The following MTA1 variants were observed in gnomAD, a reference collection of about 807,000 sequenced individuals.
The protein encoded by MTA1 is metastasis associated 1, also known as metastasis-associated protein MTA1.
A neutral mutation model predicts 97.0 loss-of-function variants in MTA1; 15 were observed. That is an observed-to-expected ratio of 0.15 (90% CI 0.10 to 0.24). MTA1 has a LOEUF of 0.24. MTA1 is among the 10% of genes least tolerant of loss of function. The probability of loss-of-function intolerance (pLI) is 1.00; values close to 1 mark genes in which losing one functional copy is unlikely to be tolerated. For synonymous variants in MTA1, 435 were observed against 417.5 expected (o/e 1.04, Z -0.51); for missense variants, 709 against 1,015.1 (o/e 0.70, Z 4.10).
intron 1 of MTA1, among the ~76,000 whole-genome samples, chr14:105,429,920 C>T (rs2082130678): frequency 6.6e-6 from 1 of 151,420 alleles, no homozygotes; most frequent in Non-Finnish European, 1.5e-5. Flanking sequence ...CCATGCCTGG[C>T]TAATTTTTTT....
chr14:105,461,259 G>A (rs1176494721), intron 10 of MTA1, among the ~76,000 whole-genome samples: 2 of 152,302 alleles, frequency 1.3e-5, no homozygotes. Flanking sequence ...GTATCCTCAC[G>A]GAGACTTTCC....
At chr14:105,469,317 CGT>C in intron 18 of MTA1, 148 bp from the exon 19 acceptor site, 1 of 833,068 alleles carries the variant, frequency 1.2e-6, no homozygotes, top group Non-Finnish European at 2.0e-6. Flanking sequence ...CGAGGCCCCA[CGT>C]CCCCCAGGCC....
chr14:105,464,285 T>G, intron 13 of MTA1, 131 bp from the exon 14 acceptor site: 1 of 1,408,122 alleles, frequency 7.1e-7, no homozygotes, highest in Non-Finnish European at 9.7e-7. Flanking sequence ...AGGGGTGTGG[T>G]TGGGAGAGCC....
chr14:105,425,154 G>A lies in MTA1; in HGVS notation c.28+5091G>A, dbSNP rs117321263. 8.7e-3 allele frequency among the ~76,000 whole-genome samples: 1,318 copies of A among 152,350 alleles called. 21 individuals carry two copies. Among genetic ancestry groups the A allele is most frequent in the Non-Finnish European group, 7.4e-3 (500 of 68,024 alleles). ...CTCCTGCTGAACTTGGAGTGCTCTT[G>A]CCAGATTATGGGCTGAGTCCTGCTA... On this transcript the variant is annotated intron_variant, in intron 1 of 20. Coordinates refer to ENST00000331320, the MANE Select transcript of MTA1 (RefSeq NM_004689.4).
At position 105,470,161 on chromosome 14, in the gene MTA1, G is replaced by A. The variant is rs587608884; in HGVS notation, c.2094G>A (p.Pro698=). Reference sequence around the variant, plus strand: ...TGCGCCAGAGCCAGGCCCTGCCGCCGCGGCCACCGCCACCTGCGCCCGTCA... The same window carrying A: ...TGCGCCAGAGCCAGGCCCTGCCGCCACGGCCACCGCCACCTGCGCCCGTCA... ...IALRQSQALP[P]RPPPPAPVND... The change falls in exon 21 of 21, where the codon CCG becomes CCA. Residue 698 remains proline (P), a synonymous_variant. Coordinates refer to ENST00000331320, the MANE Select transcript of MTA1 (RefSeq NM_004689.4). The A allele has an allele frequency of 4.7e-5, 75 of 1,609,936 alleles. No homozygotes were observed. The African/African-American group carries it at 5.3e-4, about 11-fold the overall frequency.
intron 1 of MTA1, among the ~76,000 whole-genome samples, chr14:105,438,026 C>T (rs2082386101): frequency 6.6e-6 from 1 of 152,236 alleles, no homozygotes; most frequent in African/African-American, 2.4e-5. Context: ...TGGGGCACTC[C>T]CAGTGCCTGC....
rs1334099339 is a variant in MTA1, at chr14:105,463,837, G to A, written c.1077-195G>A. The stretch of plus-strand genomic sequence containing the variant: ...GCTCCATGCTAGGGGGAGCACGGGG[G>A]CCTGGAGAACGGCTCAGACCTCAGC... On this transcript the variant is annotated intron_variant, in intron 12 of 20. Transcript: ENST00000331320. This position sits in a 1 kb window ranked among gnomAD's most constrained non-coding sequence, Gnocchi z 5.9. 6 of 659,240 alleles carry A rather than the reference G, an allele frequency of 9.1e-6. No homozygotes were observed. Among genetic ancestry groups the A allele is most frequent in the African/African-American group, 3.7e-5 (2 of 54,478 alleles). 40.8% of individuals were successfully genotyped at this position (659,240 alleles called of 1,614,324 possible). A position where few individuals can be genotyped will look rare whatever the true frequency, so the allele number is the denominator to read the frequency against.
intron 7 of MTA1, among the ~76,000 whole-genome samples, chr14:105,455,926 G>A (rs1164887159): frequency 2.0e-5 from 3 of 152,150 alleles, no homozygotes; most frequent in Non-Finnish European, 4.4e-5. Flanking sequence ...GCTGGAGCCC[G>A]GCCTGTGGGT....
At chr14:105,467,921 T>C in intron 18 of MTA1, 1 of 244,768 alleles carries the variant, frequency 4.1e-6, no homozygotes, top group Non-Finnish European at 8.2e-6. Context: ...TTGTTCCCAC[T>C]GAATTTTCCA....
chr14:105,451,936 G>A (rs932348650), intron 6 of MTA1, among the ~76,000 whole-genome samples: 11 of 152,030 alleles, frequency 7.2e-5, no homozygotes, highest in African/African-American at 2.2e-4. Context: ...GATTACAGAC[G>A]TGTGTCACCA....
intron 7 of MTA1, among the ~76,000 whole-genome samples, chr14:105,456,821 A>AC (rs1555430039): frequency 2.0e-5 from 3 of 151,308 alleles, no homozygotes; most frequent in African/African-American, 7.3e-5. Context: ...CAGGCTGAAG[A>AC]CCCCCCAGCC....
chr14:105,460,230 G>C (rs1479279815), intron 8 of MTA1, 128 bp from the exon 9 acceptor site: 2 of 737,158 alleles, frequency 2.7e-6, no homozygotes, highest in Non-Finnish European at 4.3e-6. Flanking sequence ...CCTGGCACCT[G>C]GGGAGTGGTG....
intron 3 of MTA1, among the ~76,000 whole-genome samples, chr14:105,446,142 CAG>C (rs1339045767): frequency 6.6e-6 from 1 of 152,170 alleles, no homozygotes; most frequent in Admixed American, 6.5e-5. Flanking sequence ...ATGTTGACTT[CAG>C]AGCCAGGAGC....
intron 1 of MTA1, among the ~76,000 whole-genome samples, chr14:105,423,978 G>A (rs1162585346): frequency 6.6e-6 from 1 of 152,234 alleles, no homozygotes. Flanking sequence ...GCAGGGAAGA[G>A]CCCTGGAGAC....
intron 2 of MTA1, among the ~76,000 whole-genome samples, chr14:105,442,086 A>G (rs2082551224): frequency 6.6e-6 from 1 of 152,256 alleles, no homozygotes. Context: ...CGTCCAGTTA[A>G]TAGCAGAGAA....
At chr14:105,441,706 A>T (rs1479694976) in intron 2 of MTA1, among the ~76,000 whole-genome samples, 2 of 152,206 alleles carry the variant, frequency 1.3e-5, no homozygotes, top group Non-Finnish European at 2.9e-5. Context: ...AGGCAGGAGA[A>T]TGGCGTGAAC....
intron 1 of MTA1, among the ~76,000 whole-genome samples, chr14:105,427,698 C>G (rs933031081): frequency 3.3e-5 from 5 of 152,036 alleles, no homozygotes; most frequent in Admixed American, 6.6e-5. Flanking sequence ...AGAATTGACT[C>G]TGGGTGCGTG....
At chr14:105,448,712 A>AAC (rs80090402) in intron 3 of MTA1, among the ~76,000 whole-genome samples, 132,884 of 152,240 alleles carry the variant, frequency 0.87, 60,776 homozygotes, top group Non-Finnish European at 1. Context: ...GCCGGCCCAG[A>AAC]ACAGGCCCAG....
At position 105,466,426 on chromosome 14, in the gene MTA1, A is replaced by AGGGGGGGGGG; in HGVS notation, c.1626_1627insGGGGGGGGGG (p.Thr543GlyfsTer12). ...GTTCTGCCTGTGTCATTCCCGGCAGAGACCCACCCCCGCCCCCCCAAGCCT... is the reference window on the plus strand; with the variant it reads ...GTTCTGCCTGTGTCATTCCCGGCAGAGGGGGGGGGGGACCCACCCCCGCCCCCCCAAGCCT... On this transcript the variant is annotated frameshift_variant and splice_region_variant, in exon 17 of 21. Coordinates refer to ENST00000331320, the MANE Select transcript of MTA1 (RefSeq NM_004689.4). LOFTEE classifies it high-confidence loss of function. 2.0e-6 allele frequency: 3 copies of AGGGGGGGGGG among 1,484,172 alleles called. No individual in the cohort carries two copies. Among genetic ancestry groups the AGGGGGGGGGG allele is most frequent in the Non-Finnish European group, 2.8e-6 (3 of 1,071,280 alleles). 91.9% of individuals were successfully genotyped at this position (1,484,172 alleles called of 1,614,324 possible).
Sources: allele counts gnomAD v4.1 joint callset (sites outside exome capture counted in the v4.1 genomes callset), GRCh38; gene constraint gnomAD v4.1.1; non-coding constraint Gnocchi (gnomAD v3.1); transcripts MANE v1.5; gene names NCBI Gene and HGNC (gene_info 2026-07-23, HGNC 2026-07-21).